CSMD1: variants seen among roughly 807,000 people sequenced by gnomAD.
CSMD1 encodes CUB and sushi domain-containing protein 1.
In CSMD1, 213 loss-of-function variants were observed where a neutral mutation model predicts 417.5. That is an observed-to-expected ratio of 0.51 (90% CI 0.46 to 0.57). The LOEUF (loss-of-function observed/expected upper bound fraction) is 0.57. Among genes scored for constraint, CSMD1 ranks in the 20% least tolerant of loss-of-function variants. The pLI is 0.00. For missense variants in CSMD1, 6,923 were observed against 4,529.7 expected, an observed-to-expected ratio of 1.53 and a Z score of -15.17; for synonymous variants, 2,862 against 1,736.8, an observed-to-expected ratio of 1.65 and a Z score of -16.11.
chr8:3,553,340 G>C (rs1228264581), intron 10 of CSMD1, among the ~76,000 whole-genome samples: 3 of 152,200 alleles, frequency 2.0e-5, no homozygotes, highest in Non-Finnish European at 4.4e-5. Context: ...ATAATAATTT[G>C]AGAAGTCATT....
intron 50 of CSMD1, among the ~76,000 whole-genome samples, chr8:3,039,591 C>G (rs1028455948): frequency 6.6e-6 from 1 of 151,762 alleles, no homozygotes; most frequent in South Asian, 2.1e-4. Context: ...TGACAATAAA[C>G]TTCCACCACT....
At chr8:3,162,428 G>GAATC (rs1819955490) in intron 37 of CSMD1, among the ~76,000 whole-genome samples, 151 bp from the exon 38 acceptor site, 1 of 152,128 alleles carries the variant, frequency 6.6e-6, no homozygotes, top group African/African-American at 2.4e-5. Flanking sequence ...AGAAGACTTT[G>GAATC]AGTACCTTTA....
At chr8:3,635,731 C>T (rs1797006581) in intron 7 of CSMD1, among the ~76,000 whole-genome samples, 1 of 149,392 alleles carries the variant, frequency 6.7e-6, no homozygotes, top group African/African-American at 2.5e-5. Flanking sequence ...GATCTGCCCG[C>T]CTCGGCCTCC....
At chr8:4,152,543 A>G (rs115963080) in intron 3 of CSMD1, among the ~76,000 whole-genome samples, 4,564 of 145,618 alleles carry the variant, frequency 0.031, 199 homozygotes, top group African/African-American at 0.11. Flanking sequence ...AAAAAAAATT[A>G]GCTAGTCATG....
intron 10 of CSMD1, among the ~76,000 whole-genome samples, chr8:3,557,276 G>A (rs951546758): frequency 2.6e-5 from 4 of 152,144 alleles, no homozygotes; most frequent in Non-Finnish European, 5.9e-5. Context: ...TTCGTGGCTT[G>A]GAGACAGCTG....
chr8:3,756,265 A>C (rs1398710097), intron 5 of CSMD1, among the ~76,000 whole-genome samples: 1 of 151,864 alleles, frequency 6.6e-6, no homozygotes, highest in Non-Finnish European at 1.5e-5. Context: ...AGGCAGGAGA[A>C]TGGCGTGAAC....
At chr8:3,273,801 A>G (rs928079248) in intron 26 of CSMD1, among the ~76,000 whole-genome samples, 1 of 151,316 alleles carries the variant, frequency 6.6e-6, no homozygotes, top group African/African-American at 2.4e-5. Flanking sequence ...TTTTTATTGT[A>G]TCTATTTGAT....
intron 1 of CSMD1, among the ~76,000 whole-genome samples, chr8:4,910,543 G>A (rs1035471236): frequency 6.6e-6 from 1 of 152,132 alleles, no homozygotes; most frequent in African/African-American, 2.4e-5. Flanking sequence ...AGGAATCTCT[G>A]AAGCTTTTTT....
chr8:4,609,580 G>A lies in CSMD1; in HGVS notation c.302+27762C>T, dbSNP rs1247439703. Among the ~76,000 whole-genome samples the A allele has an allele frequency of 2.6e-5, 4 of 152,150 alleles. No homozygotes were observed. In the East Asian group the frequency reaches 7.7e-4, roughly 29 times the overall value. On this transcript the variant is annotated intron_variant, in intron 2 of 69. Transcript: ENST00000635120. ...TGTACAAAAGTGAGCAGAATAAACA[G>A]CCACTGCCATCACAGAGTATGATCT...
At chr8:4,588,029 A>T (rs1236312965) in intron 2 of CSMD1, among the ~76,000 whole-genome samples, 1 of 152,204 alleles carries the variant, frequency 6.6e-6, no homozygotes, top group Non-Finnish European at 1.5e-5. Context: ...CAAGCATAGG[A>T]AAAAGAAAAC....
chr8:3,186,692 A>G (rs1821780899), intron 36 of CSMD1, among the ~76,000 whole-genome samples: 2 of 152,196 alleles, frequency 1.3e-5, no homozygotes, highest in Admixed American at 6.5e-5. Flanking sequence ...AAAAATATAT[A>G]TTCCAGCCTC....
chr8:4,114,089 T>C (rs1160900142), intron 3 of CSMD1, among the ~76,000 whole-genome samples: 2 of 152,204 alleles, frequency 1.3e-5, no homozygotes, highest in African/African-American at 2.4e-5. Context: ...AACAGCCTTA[T>C]GTAGGAAGAA....
chr8:3,317,571 C>G (rs972399), intron 23 of CSMD1, among the ~76,000 whole-genome samples: 29,729 of 152,082 alleles, frequency 0.2, 3,677 homozygotes, highest in Admixed American at 0.27. Flanking sequence ...ATAAAAAGCC[C>G]AGAATGACTT....
intron 3 of CSMD1, among the ~76,000 whole-genome samples, chr8:4,329,930 C>A (rs1799774604): frequency 6.6e-6 from 1 of 152,030 alleles, no homozygotes; most frequent in African/African-American, 2.4e-5. Context: ...GTGTCTGCTC[C>A]CCTTTTGCTT....
chr8:4,385,191 G>T (rs1803366954), intron 3 of CSMD1, among the ~76,000 whole-genome samples: 1 of 152,262 alleles, frequency 6.6e-6, no homozygotes, highest in African/African-American at 2.4e-5. Flanking sequence ...GCGTCTTAAA[G>T]TGATGTGATT....
At chr8:4,662,597 T>A (rs931423575) in intron 1 of CSMD1, among the ~76,000 whole-genome samples, 2 of 152,206 alleles carry the variant, frequency 1.3e-5, no homozygotes, top group Non-Finnish European at 1.5e-5. Flanking sequence ...ACAATGCCAG[T>A]CTTGACGGCT....
At chr8:3,520,400 A>G (rs140686620) in intron 10 of CSMD1, among the ~76,000 whole-genome samples, 10 of 152,318 alleles carry the variant, frequency 6.6e-5, no homozygotes, top group Non-Finnish European at 1.0e-4. Flanking sequence ...CATAAAAAGT[A>G]TATCATCACA....
chr8:4,361,682 G>A (rs781305116), intron 3 of CSMD1, among the ~76,000 whole-genome samples: 5 of 152,006 alleles, frequency 3.3e-5, no homozygotes, highest in East Asian at 1.9e-4. Flanking sequence ...CAGGTGCGAC[G>A]GCTTGGCTCA....
At chr8:3,480,735 C>T (rs753096796) in intron 11 of CSMD1, among the ~76,000 whole-genome samples, 44 of 152,078 alleles carry the variant, frequency 2.9e-4, no homozygotes, top group Non-Finnish European at 6.0e-4. Context: ...ATGATTTTCC[C>T]ATTTGGGATC....
Sources: gnomAD v4.1 joint callset for allele counts (sites outside exome capture counted in the v4.1 genomes callset) on GRCh38, gnomAD v4.1.1 for gene constraint, MANE v1.5 for transcripts, NCBI Gene and HGNC (gene_info 2026-07-23, HGNC 2026-07-21) for gene names.